DYNC1I1: variants seen among roughly 807,000 people sequenced by gnomAD.
DYNC1I1 encodes cytoplasmic dynein 1 intermediate chain 1.
A neutral mutation model predicts 86.6 loss-of-function variants in DYNC1I1; 43 were observed. The ratio of observed to expected loss-of-function variants is 0.50; its 90% CI spans 0.39 to 0.64. The LOEUF (loss-of-function observed/expected upper bound fraction) is 0.64, where lower values mean the gene tolerates loss of function less well. DYNC1I1 is among the 30% of genes least tolerant of loss of function. DYNC1I1 has a pLI of 0.00. For missense variants in DYNC1I1, 604 were observed against 788.8 expected (o/e 0.77, Z 2.81); for synonymous variants, 262 against 283.7 (o/e 0.92, Z 0.77).
At chr7:96,104,211 T>C (rs1395366661) in intron 16 of DYNC1I1, among the ~76,000 whole-genome samples, 2 of 152,130 alleles carry the variant, frequency 1.3e-5, no homozygotes, top group African/African-American at 4.8e-5. Flanking sequence ...GAGTTTTCTT[T>C]ATATATTCTG....
intron 8 of DYNC1I1, 143 bp downstream of exon 8, chr7:95,985,120 A>C (rs781754892): frequency 1.7e-6 from 2 of 1,144,330 alleles, no homozygotes; most frequent in Non-Finnish European, 2.5e-6. Flanking sequence ...AACAGCTTTG[A>C]CTATGGGCTT....
chr7:95,891,760 T>C (rs1437864380), intron 6 of DYNC1I1, among the ~76,000 whole-genome samples: 5 of 152,110 alleles, frequency 3.3e-5, no homozygotes, highest in Non-Finnish European at 7.4e-5. Flanking sequence ...CTGCTCACTG[T>C]TTGCACAATT....
chr7:95,800,501 T>A (rs1794551456), intron 1 of DYNC1I1, among the ~76,000 whole-genome samples: 1 of 151,628 alleles, frequency 6.6e-6, no homozygotes. Flanking sequence ...GGAAAAAGAG[T>A]TCTGAATATG....
intron 6 of DYNC1I1, among the ~76,000 whole-genome samples, chr7:95,877,859 A>G (rs1311836251): frequency 6.6e-6 from 1 of 152,244 alleles, no homozygotes; most frequent in Non-Finnish European, 1.5e-5. Flanking sequence ...ATGGAACTCA[A>G]TGGCAGCAAT....
intron 16 of DYNC1I1, among the ~76,000 whole-genome samples, chr7:96,105,763 T>C (rs1791205524): frequency 6.6e-6 from 1 of 152,210 alleles, no homozygotes; most frequent in African/African-American, 2.4e-5. Flanking sequence ...ACTGAAGCCA[T>C]CTGGCCCTGG....
At chr7:95,917,393 C>G (rs1791498019) in intron 6 of DYNC1I1, among the ~76,000 whole-genome samples, 1 of 152,070 alleles carries the variant, frequency 6.6e-6, no homozygotes, top group Non-Finnish European at 1.5e-5. Flanking sequence ...ATTGACAGTC[C>G]CTCAATATTT....
chr7:96,039,001 C>A (rs1244318596), intron 13 of DYNC1I1, among the ~76,000 whole-genome samples: 1 of 152,046 alleles, frequency 6.6e-6, no homozygotes. Context: ...TTGAGGAATT[C>A]TGCAAAAAGA....
At chr7:96,100,460 T>C (rs1489513852), downstream of DYNC1I1, among the ~76,000 whole-genome samples, 1 of 151,988 alleles carries the variant, frequency 6.6e-6, no homozygotes, top group East Asian at 1.9e-4. Flanking sequence ...CTGATGGCTG[T>C]CCTGCCTAAG....
At chr7:96,072,166 C>A (rs1392667233) in intron 14 of DYNC1I1, among the ~76,000 whole-genome samples, 5 of 152,142 alleles carry the variant, frequency 3.3e-5, no homozygotes, top group African/African-American at 4.8e-5. Flanking sequence ...CCTCCCTTGC[C>A]CTTCATGTCT....
At position 96,041,440 on chromosome 7, in the gene DYNC1I1, A is replaced by G. The variant is rs1789050568; in HGVS notation, c.1509+2019A>G. Among the ~76,000 whole-genome samples, 4 of 152,350 alleles carry G rather than the reference A, an allele frequency of 2.6e-5. No homozygotes were observed. In the South Asian group the frequency reaches 8.3e-4, roughly 32 times the overall value. On this transcript the variant is annotated intron_variant, in intron 14 of 16. Coordinates refer to ENST00000447467, the MANE Select transcript of DYNC1I1 (RefSeq NM_001135556.2). Reference sequence around the variant, plus strand: ...ATATCTAAAAATAATACATGTTTTAACAGAACAATTTCCACTTCTAGGAAT... The same window carrying G: ...ATATCTAAAAATAATACATGTTTTAGCAGAACAATTTCCACTTCTAGGAAT...
rs899129727 is a variant in DYNC1I1, at chr7:96,073,439, A to C, written c.1510-2618A>C. On this transcript the variant is annotated intron_variant, in intron 14 of 16. Coordinates refer to ENST00000447467, the MANE Select transcript of DYNC1I1 (RefSeq NM_001135556.2). ...AGAGAAGAAACTACTAAAACAAAAA[A>C]GGAAATAAAACACTGAAGATTTACA... is the stretch of plus-strand genomic sequence containing the variant. Among the ~76,000 whole-genome samples, 11 of 152,374 alleles carry C rather than the reference A, an allele frequency of 7.2e-5. No homozygotes were observed. In the South Asian group the frequency reaches 2.3e-3, roughly 32 times the overall value.
intron 13 of DYNC1I1, 145 bp from the exon 14 acceptor site, chr7:96,039,132 G>T: frequency 1.1e-6 from 1 of 880,598 alleles, no homozygotes; most frequent in Non-Finnish European, 1.7e-6. Flanking sequence ...CAGGATAACT[G>T]TAAAAATGAT....
At chr7:95,917,470 AG>A (rs971005621) in intron 6 of DYNC1I1, among the ~76,000 whole-genome samples, 3 of 152,154 alleles carry the variant, frequency 2.0e-5, no homozygotes, top group Non-Finnish European at 2.9e-5. Context: ...AGCTCTCCCG[AG>A]TACCCTTCCA....
At chr7:96,101,038 G>C (rs369679368), downstream of DYNC1I1, among the ~76,000 whole-genome samples, 1 of 152,144 alleles carries the variant, frequency 6.6e-6, no homozygotes, top group Non-Finnish European at 1.5e-5. Context: ...CAGTCACAGA[G>C]TGGGGCTTGC....
intron 6 of DYNC1I1, among the ~76,000 whole-genome samples, chr7:95,911,056 G>T (rs535720783): frequency 2.5e-4 from 38 of 152,292 alleles, no homozygotes; most frequent in Middle Eastern, 3.4e-3. Context: ...GGTTAGCTTG[G>T]AAGAGTTCTG....
chr7:95,863,218 C>A (rs528573548), intron 5 of DYNC1I1, among the ~76,000 whole-genome samples: 46 of 152,266 alleles, frequency 3.0e-4, no homozygotes, highest in African/African-American at 1.1e-3. Context: ...CATGCTACAA[C>A]ATTGTTGAAT....
At chr7:95,776,559 T>C (rs1793845424) in intron 1 of DYNC1I1, among the ~76,000 whole-genome samples, 1 of 152,192 alleles carries the variant, frequency 6.6e-6, no homozygotes, top group Admixed American at 6.5e-5. Flanking sequence ...ACAGGAAGAA[T>C]CACTGGTTTA....
intron 15 of DYNC1I1, among the ~76,000 whole-genome samples, chr7:96,077,194 A>T (rs1170283512): frequency 6.6e-6 from 1 of 151,578 alleles, no homozygotes; most frequent in Non-Finnish European, 1.5e-5. Context: ...TTAATTAGGA[A>T]GCCCACAGCT....
chr7:95,857,275 C>G (rs1168420061), intron 5 of DYNC1I1, among the ~76,000 whole-genome samples: 1 of 152,140 alleles, frequency 6.6e-6, no homozygotes, highest in Admixed American at 6.5e-5. Context: ...GCCTCAAAAG[C>G]TGCTATAATT....
Sources: allele counts gnomAD v4.1 joint callset (sites outside exome capture counted in the v4.1 genomes callset), GRCh38; gene constraint gnomAD v4.1.1; transcripts MANE v1.5; gene names NCBI Gene and HGNC (gene_info 2026-07-23, HGNC 2026-07-21).